Variants in KLRG1 observed in about 807,000 individuals in gnomAD.
KLRG1 encodes the protein killer cell lectin like receptor G1.
In KLRG1, 16 loss-of-function variants were observed where a neutral mutation model predicts 21.8. The ratio of observed to expected loss-of-function variants is 0.73; its 90% confidence interval spans 0.50 to 1.11. The LOEUF (loss-of-function observed/expected upper bound fraction) is 1.11. KLRG1 is among the 50% of genes most tolerant of loss of function. The pLI, the probability that KLRG1 is intolerant of heterozygous loss-of-function variation, is 0.00. For missense variants in KLRG1, 173 were observed against 218.3 expected (o/e 0.79, Z 1.31); for synonymous variants, 69 against 75.9 (o/e 0.91, Z 0.47).
the KLRG1 span, among the ~76,000 whole-genome samples, chr12:9,145,319 C>T: frequency 1.3e-5 from 2 of 151,960 alleles, no homozygotes; most frequent in Non-Finnish European, 2.9e-5. Context: ...ATTTTTAAAT[C>T]TCTGTCTTTT....
At chr12:8,958,808 G>A (rs1480130042) in intron 1 of KLRG1, among the ~76,000 whole-genome samples, 1 of 149,628 alleles carries the variant, frequency 6.7e-6, no homozygotes, top group African/African-American at 2.5e-5. Context: ...AGAGAGCCGT[G>A]GTTGCACCAC....
chr12:9,016,169 T>G, the KLRG1 span, among the ~76,000 whole-genome samples: 1 of 150,328 alleles, frequency 6.7e-6, no homozygotes, highest in African/African-American at 2.4e-5. Flanking sequence ...AGAGGAGAAG[T>G]AAATGAAATT....
the KLRG1 span, among the ~76,000 whole-genome samples, chr12:9,178,154 CA>C: frequency 1.3e-4 from 20 of 152,252 alleles, no homozygotes; most frequent in East Asian, 3.9e-3. Context: ...CCAAGATTTC[CA>C]TTATCTGTGG....
chr12:9,195,060 G>A, the KLRG1 span, among the ~76,000 whole-genome samples: 1 of 152,044 alleles, frequency 6.6e-6, no homozygotes, highest in African/African-American at 2.4e-5. Flanking sequence ...CCAATAATCT[G>A]TTGTGATTTA....
the KLRG1 span, among the ~76,000 whole-genome samples, chr12:9,142,916 A>G: frequency 0.25 from 38,544 of 152,132 alleles, 5,617 homozygotes; most frequent in Admixed American, 0.33. Context: ...AGGCCACCAG[A>G]AGTCATTTTA....
chr12:9,055,300 CT>C, the KLRG1 span, among the ~76,000 whole-genome samples: 6 of 152,188 alleles, frequency 3.9e-5, no homozygotes, highest in Non-Finnish European at 7.3e-5. Context: ...ACCATTTCTT[CT>C]GCTTTTGCAA....
At chr12:8,966,238 G>C (rs1222317524) in intron 1 of KLRG1, among the ~76,000 whole-genome samples, 1 of 152,206 alleles carries the variant, frequency 6.6e-6, no homozygotes, top group Non-Finnish European at 1.5e-5. Context: ...AAAAACCCTA[G>C]GAGACAACCT....
At chr12:9,163,638 A>G in the KLRG1 span, 17 of 1,609,104 alleles carry the variant, frequency 1.1e-5, no homozygotes, top group Non-Finnish European at 1.3e-5. Flanking sequence ...GCATTCTTAC[A>G]GTTGTTAGGG....
intron 1 of KLRG1, among the ~76,000 whole-genome samples, chr12:8,965,488 G>C (rs1228946254): frequency 6.6e-6 from 1 of 152,186 alleles, no homozygotes; most frequent in Non-Finnish European, 1.5e-5. Flanking sequence ...CTTCAGCAAA[G>C]TCTCAGGATA....
the KLRG1 span, among the ~76,000 whole-genome samples, chr12:9,061,498 C>T: frequency 2.0e-5 from 3 of 151,982 alleles, no homozygotes; most frequent in Non-Finnish European, 2.9e-5. Flanking sequence ...ATGAATGAGC[C>T]TATGTTAAAG....
At chr12:9,041,597 C>T in the KLRG1 span, among the ~76,000 whole-genome samples, 3 of 152,180 alleles carry the variant, frequency 2.0e-5, no homozygotes, top group Non-Finnish European at 4.4e-5. Context: ...CTGGCAACTT[C>T]TACTGTCTCT....
chr12:8,973,724 C>G (rs1326878715), intron 1 of KLRG1, among the ~76,000 whole-genome samples: 1 of 152,140 alleles, frequency 6.6e-6, no homozygotes, highest in African/African-American at 2.4e-5. Context: ...ATTTAATTTC[C>G]TTCATTAATG....
chr12:9,017,417 T>C, the KLRG1 span, among the ~76,000 whole-genome samples: 1 of 152,084 alleles, frequency 6.6e-6, no homozygotes, highest in Non-Finnish European at 1.5e-5. Context: ...TCATTCATTA[T>C]GACAAAATGG....
chr12:9,186,020 A>G, the KLRG1 span, among the ~76,000 whole-genome samples: 2 of 151,940 alleles, frequency 1.3e-5, no homozygotes, highest in South Asian at 2.1e-4. Flanking sequence ...GTTGGCCAGG[A>G]TGGTCTCGAT....
At chr12:9,028,737 C>A in the KLRG1 span, 1 of 532,330 alleles carries the variant, frequency 1.9e-6, no homozygotes, top group South Asian at 1.5e-5. Context: ...CCACCGCACC[C>A]GGCCTCAGTG....
the KLRG1 span, among the ~76,000 whole-genome samples, chr12:9,186,468 T>C: frequency 1.9e-4 from 29 of 152,148 alleles, no homozygotes; most frequent in Middle Eastern, 3.4e-3. Flanking sequence ...GCAAGCCAGA[T>C]GAAGAAGCAA....
At chr12:9,192,834 C>T in the KLRG1 span, 1 of 767,364 alleles carries the variant, frequency 1.3e-6, no homozygotes. Context: ...GTCTTCCACT[C>T]TAAAATACAC....
At chr12:9,112,583 C>G in the KLRG1 span, 3 of 1,606,234 alleles carry the variant, frequency 1.9e-6, no homozygotes, top group Admixed American at 1.7e-5. Flanking sequence ...ACCCGCAGGT[C>G]TCCTCCCCTA....
chr12:9,089,052 C>T, the KLRG1 span: 2 of 665,630 alleles, frequency 3.0e-6, no homozygotes, highest in African/African-American at 3.6e-5. Context: ...CTTGGCCTTC[C>T]TAAGAACTAT....
Sources: gnomAD v4.1 joint callset for allele counts (sites outside exome capture counted in the v4.1 genomes callset) on GRCh38, gnomAD v4.1.1 for gene constraint, MANE v1.5 for transcripts, NCBI Gene and HGNC (gene_info 2026-07-23, HGNC 2026-07-21) for gene names.